Variants in RNF130 observed in about 807,000 individuals in gnomAD.
RNF130 encodes ring finger protein 130, also known as E3 ubiquitin-protein ligase RNF130.
RNF130 carries 21 observed loss-of-function variants against 44.6 expected under a neutral mutation model. That is an observed-to-expected ratio of 0.47 (90% confidence interval 0.33 to 0.68). RNF130 has a LOEUF of 0.68. RNF130 is among the 30% of genes least tolerant of loss of function. The pLI, the probability that RNF130 is intolerant of heterozygous loss-of-function variation, is 0.02. For synonymous variants in RNF130, 214 were observed against 210.4 expected, an observed-to-expected ratio of 1.02 and a Z score of -0.15; for missense variants, 479 against 560.6, an observed-to-expected ratio of 0.85 and a Z score of 1.47.
At chr5:180,031,762 A>G (rs748652979) in intron 2 of RNF130, among the ~76,000 whole-genome samples, 1 of 152,184 alleles carries the variant, frequency 6.6e-6, no homozygotes, top group African/African-American at 2.4e-5. Context: ...TTTCTCTTAG[A>G]TATCTGGGAG....
intron 8 of RNF130, among the ~76,000 whole-genome samples, chr5:179,959,382 C>A (rs1762276343): frequency 6.6e-6 from 1 of 152,010 alleles, no homozygotes; most frequent in African/African-American, 2.4e-5. Context: ...AATCCCAGCA[C>A]TTTGGGAGGC....
In RNF130 at chr5:179,969,685, GTC is replaced by G. The variant is rs533317324; in HGVS notation, c.945+723_945+724del. Among the ~76,000 whole-genome samples, 13 of 151,802 alleles carry G rather than the reference GTC, an allele frequency of 8.6e-5. No individual in the cohort carries two copies. In the South Asian group the frequency reaches 2.7e-3, roughly 32 times the overall value. ...GAGTTGAGACCCGCCTGAACATCTTGTCTCTTCAAAACATAAAAAAGTGGCCA... is the reference window on the plus strand; with the variant it reads ...GAGTTGAGACCCGCCTGAACATCTTGTCTTCAAAACATAAAAAAGTGGCCA... On this transcript the variant is annotated intron_variant, in intron 6 of 8. Transcript: ENST00000521389.
chr5:179,915,582 C>T (rs1314001363), exon 8 of RNF130: 2 of 152,350 alleles, frequency 1.3e-5, no homozygotes, highest in Non-Finnish European at 1.5e-5. Context: ...CCCTCTTCTT[C>T]CACTTGGCGT....
intron 7 of RNF130, among the ~76,000 whole-genome samples, chr5:179,947,085 CG>C (rs1472914133): frequency 2.0e-5 from 3 of 152,134 alleles, no homozygotes; most frequent in East Asian, 1.9e-4. Context: ...GAATTCTTCA[CG>C]GAAGTCTCCA....
chr5:180,001,508 A>G (rs1466794042), intron 3 of RNF130, among the ~76,000 whole-genome samples: 2 of 152,148 alleles, frequency 1.3e-5, no homozygotes, highest in Non-Finnish European at 2.9e-5. Flanking sequence ...CTGTGATTCT[A>G]TCCCTGGGAA....
At chr5:179,957,142 T>G (rs1249854745) in intron 8 of RNF130, among the ~76,000 whole-genome samples, 3 of 152,232 alleles carry the variant, frequency 2.0e-5, no homozygotes, top group African/African-American at 4.8e-5. Flanking sequence ...CTGGGCCTGG[T>G]GGCTCACGCC....
chr5:180,003,451 T>A (rs1166570250), intron 3 of RNF130, among the ~76,000 whole-genome samples: 1 of 152,252 alleles, frequency 6.6e-6, no homozygotes, highest in Non-Finnish European at 1.5e-5. Context: ...ACACCTCTTA[T>A]AGCACAAGGA....
chr5:180,047,812 C>T (rs1265668083), intron 1 of RNF130, among the ~76,000 whole-genome samples: 1 of 152,158 alleles, frequency 6.6e-6, no homozygotes, highest in Non-Finnish European at 1.5e-5. Flanking sequence ...GCCAAGCGCT[C>T]TCCTCTCTCC....
At chr5:180,053,096 A>G (rs1428914457) in intron 1 of RNF130, among the ~76,000 whole-genome samples, 1 of 152,212 alleles carries the variant, frequency 6.6e-6, no homozygotes, top group African/African-American at 2.4e-5. Context: ...GCTAAATTAG[A>G]CTTCGATGCG....
chr5:180,055,822 G>C (rs1015174562), intron 1 of RNF130, among the ~76,000 whole-genome samples: 6 of 152,074 alleles, frequency 3.9e-5, no homozygotes, highest in African/African-American at 1.4e-4. Flanking sequence ...CGTGGCTCAT[G>C]GCTGTAATCC....
rs115947525 is a variant in RNF130, at chr5:180,011,997, G to A, written c.693+1064C>T. ...TCAATAAACTGCAGTCAGTGTTTGGGTATTTTATATGTACTTCCACAGTCA... is the reference window on the plus strand; with the variant it reads ...TCAATAAACTGCAGTCAGTGTTTGGATATTTTATATGTACTTCCACAGTCA... On this transcript the variant is annotated intron_variant, in intron 3 of 8. Coordinates refer to ENST00000521389, the MANE Select transcript of RNF130 (RefSeq NM_018434.6). Among the ~76,000 whole-genome samples, 1,128 of 152,218 alleles carry A rather than the reference G, an allele frequency of 7.4e-3. 16 individuals carry two copies. The highest frequency in any genetic ancestry group is 0.026 in the African/African-American group (1,072 of 41,544).
chr5:179,944,538 A>G (rs574745920), intron 7 of RNF130, among the ~76,000 whole-genome samples: 2 of 152,028 alleles, frequency 1.3e-5, no homozygotes, highest in South Asian at 4.2e-4. Context: ...ATCTTGGCTC[A>G]CTGCAACCTC....
intron 7 of RNF130, among the ~76,000 whole-genome samples, chr5:179,935,664 A>C (rs1221544972): frequency 6.6e-6 from 1 of 151,506 alleles, no homozygotes; most frequent in Non-Finnish European, 1.5e-5. Flanking sequence ...CTCTCCTCTA[A>C]GTTTTTTCCT....
At chr5:180,044,735 G>A (rs562523911) in intron 1 of RNF130, among the ~76,000 whole-genome samples, 1 of 152,104 alleles carries the variant, frequency 6.6e-6, no homozygotes, top group African/African-American at 2.4e-5. Flanking sequence ...AGAAGGCTGA[G>A]GCAGGAGAAT....
At chr5:179,947,016 T>G (rs192241846) in intron 7 of RNF130, among the ~76,000 whole-genome samples, 23 of 152,284 alleles carry the variant, frequency 1.5e-4, no homozygotes, top group Admixed American at 2.6e-4. Context: ...CCTCTCTCCC[T>G]GAGGATGCAC....
At chr5:179,928,417 C>T (rs999636439) in intron 7 of RNF130, among the ~76,000 whole-genome samples, 3 of 151,874 alleles carry the variant, frequency 2.0e-5, no homozygotes, top group Middle Eastern at 3.4e-3. Context: ...TATGTTTTAA[C>T]GTCCATTCCC....
intron 3 of RNF130, among the ~76,000 whole-genome samples, chr5:180,006,216 T>C (rs956169479): frequency 2.0e-5 from 3 of 152,124 alleles, no homozygotes; most frequent in African/African-American, 7.2e-5. Flanking sequence ...AAAAGAAGTC[T>C]GTTTTGGGGC....
chr5:179,958,946 G>T (rs562262039), intron 8 of RNF130, among the ~76,000 whole-genome samples: 3 of 152,230 alleles, frequency 2.0e-5, no homozygotes, highest in Admixed American at 1.3e-4. Flanking sequence ...CTCCCAAAGC[G>T]CTGGGATTAT....
chr5:179,980,239 GAT>G (rs767087800), intron 3 of RNF130, 39 bp from the exon 4 acceptor site: 1 of 1,559,674 alleles, frequency 6.4e-7, no homozygotes, highest in Non-Finnish European at 8.8e-7. Context: ...CTAAGTGTAA[GAT>G]CTCTGAATGA....
Sources: gnomAD v4.1 joint callset for allele counts (sites outside exome capture counted in the v4.1 genomes callset) on GRCh38, gnomAD v4.1.1 for gene constraint, MANE v1.5 for transcripts, NCBI Gene and HGNC (gene_info 2026-07-23, HGNC 2026-07-21) for gene names.